The following TAOK3 variants were observed in gnomAD, a reference collection of about 807,000 sequenced individuals.
The protein encoded by TAOK3 is serine/threonine-protein kinase TAO3.
TAOK3 carries 40 observed loss-of-function variants against 120.4 expected under a neutral mutation model. The observed-to-expected ratio is 0.33, with a 90% CI of 0.26 to 0.43. TAOK3 has a LOEUF of 0.43. Among genes scored for constraint, TAOK3 ranks in the 20% least tolerant of loss-of-function variants. TAOK3 has a pLI of 1.00. For synonymous variants in TAOK3, 355 were observed against 387.5 expected, an observed-to-expected ratio of 0.92 and a Z score of 0.99; for missense variants, 821 against 1,112.1, an observed-to-expected ratio of 0.74 and a Z score of 3.72.
At chr12:118,293,444 T>TGAGGTGGGTGGATCAC (rs2042555969) in intron 1 of TAOK3, among the ~76,000 whole-genome samples, 1 of 146,234 alleles carries the variant, frequency 6.8e-6, no homozygotes, top group Admixed American at 6.8e-5. Flanking sequence ...TTTGGGAGGC[T>TGAGGTGGGTGGATCAC]GAGGTGGGTG....
chr12:118,240,715 C>T (rs2040214741), intron 5 of TAOK3, among the ~76,000 whole-genome samples: 5 of 152,080 alleles, frequency 3.3e-5, no homozygotes, highest in Admixed American at 2.6e-4. Flanking sequence ...CAGGGTTCAG[C>T]AACCAATCTC....
rs2035192314 is a variant in TAOK3 at position 118,161,128 on chromosome 12, T to C, written c.2139+660A>G. On this transcript the variant is annotated intron_variant, in intron 18 of 20. Transcript: ENST00000392533. The surrounding 1 kb of genome is among the most constrained non-coding windows in gnomAD (Gnocchi z 4.5). ...ATCATTGCTTAGCTTAGAATTTGACTGAAGAGACGCATAGCCAGTGTGATC... is the reference window on the plus strand; with the variant it reads ...ATCATTGCTTAGCTTAGAATTTGACCGAAGAGACGCATAGCCAGTGTGATC... 6.6e-6 allele frequency among the ~76,000 whole-genome samples: 1 copy of C among 152,222 alleles called. No homozygotes were observed. The highest frequency in any genetic ancestry group is 6.5e-5 in the Admixed American group (1 of 15,280).
chr12:118,203,857 C>T (rs1287157270), intron 11 of TAOK3, among the ~76,000 whole-genome samples: 1 of 152,158 alleles, frequency 6.6e-6, no homozygotes, highest in Non-Finnish European at 1.5e-5. Context: ...GACCTATCAA[C>T]CAAACAAATA....
chr12:118,242,071 G>A (rs2040276847), intron 5 of TAOK3, among the ~76,000 whole-genome samples: 1 of 145,586 alleles, frequency 6.9e-6, no homozygotes, highest in Admixed American at 7.0e-5. Context: ...TGGGCAACAA[G>A]AGCAAAACTC....
chr12:118,272,975 G>A (rs1460481948), intron 1 of TAOK3, among the ~76,000 whole-genome samples: 1 of 150,536 alleles, frequency 6.6e-6, no homozygotes, highest in Admixed American at 6.6e-5. Flanking sequence ...GAACTTGTCT[G>A]GAAAAAAAAA....
At chr12:118,270,002 T>C (rs2041632775) in intron 1 of TAOK3, among the ~76,000 whole-genome samples, 1 of 152,234 alleles carries the variant, frequency 6.6e-6, no homozygotes, top group Non-Finnish European at 1.5e-5. Context: ...TTCTCTCTGA[T>C]GCCTAAATGA....
chr12:118,259,867 C>CAAAGA (rs2041149529), intron 2 of TAOK3, among the ~76,000 whole-genome samples: 1 of 152,064 alleles, frequency 6.6e-6, no homozygotes, highest in Non-Finnish European at 1.5e-5. Context: ...CAAAGGGTTC[C>CAAAGA]CCTCAAGTCT....
At chr12:118,237,939 T>A in intron 7 of TAOK3, 134 bp downstream of exon 7, 1 of 568,130 alleles carries the variant, frequency 1.8e-6, no homozygotes, top group Non-Finnish European at 3.2e-6. Context: ...ATCCTTTATA[T>A]CCAGAAGCAG....
chr12:118,261,330 C>T lies in TAOK3; in HGVS notation c.-89+5325G>A, dbSNP rs151144541. Among the ~76,000 whole-genome samples, 949 of 152,168 alleles carry T rather than the reference C, an allele frequency of 6.2e-3. 15 individuals carry two copies. Among genetic ancestry groups the T allele is most frequent in the African/African-American group, 0.022 (912 of 41,500 alleles). Reference sequence around the variant, plus strand: ...TATAAACCCACAGATCCAAGAAGGTCCATGAACCTCAAGCACAAGAAATAC... The same window carrying T: ...TATAAACCCACAGATCCAAGAAGGTTCATGAACCTCAAGCACAAGAAATAC... On this transcript the variant is annotated intron_variant, in intron 2 of 20. Coordinates refer to ENST00000392533, the MANE Select transcript of TAOK3 (RefSeq NM_016281.4).
At chr12:118,289,936 G>A (rs2042410744) in intron 1 of TAOK3, among the ~76,000 whole-genome samples, 1 of 150,978 alleles carries the variant, frequency 6.6e-6, no homozygotes, top group South Asian at 2.1e-4. Context: ...GTAGGTTGCA[G>A]TGAGCCGAGA....
chr12:118,186,685 T>A (rs932731448), intron 14 of TAOK3, among the ~76,000 whole-genome samples: 2 of 152,188 alleles, frequency 1.3e-5, no homozygotes, highest in African/African-American at 4.8e-5. Context: ...TTCCTTTTCC[T>A]AATTCTTCAA....
At chr12:118,365,378 G>A (rs976964175) in intron 1 of TAOK3, among the ~76,000 whole-genome samples, 3 of 151,154 alleles carry the variant, frequency 2.0e-5, no homozygotes, top group South Asian at 2.1e-4. Context: ...GATTAGAGGC[G>A]TGCAAACACA....
At chr12:118,286,613 G>C (rs529071483) in intron 1 of TAOK3, among the ~76,000 whole-genome samples, 1 of 151,228 alleles carries the variant, frequency 6.6e-6, no homozygotes. Context: ...ACTTCTGCAC[G>C]GCTGGTGGGA....
At chr12:118,226,085 C>CA (rs2039489558) in intron 9 of TAOK3, among the ~76,000 whole-genome samples, 1 of 152,086 alleles carries the variant, frequency 6.6e-6, no homozygotes, top group African/African-American at 2.4e-5. Flanking sequence ...ACTAAAAATA[C>CA]AAAAATTAGG....
At chr12:118,248,582 C>T (rs1048680200) in intron 3 of TAOK3, among the ~76,000 whole-genome samples, 1 of 151,978 alleles carries the variant, frequency 6.6e-6, no homozygotes. Context: ...AGGAAATATT[C>T]AGGCAATGAG....
intron 1 of TAOK3, among the ~76,000 whole-genome samples, chr12:118,341,726 A>G (rs1163010157): frequency 6.6e-6 from 1 of 152,222 alleles, no homozygotes; most frequent in Non-Finnish European, 1.5e-5. Flanking sequence ...TGCTAAAAAA[A>G]CCCTTCTGTG....
chr12:118,286,154 C>T (rs1593413959), intron 1 of TAOK3, among the ~76,000 whole-genome samples: 1 of 152,202 alleles, frequency 6.6e-6, no homozygotes. Context: ...ATTTATTTTC[C>T]TTTCACACTC....
At chr12:118,181,729 G>C in intron 14 of TAOK3, 122 bp from the exon 15 acceptor site, 1 of 796,070 alleles carries the variant, frequency 1.3e-6, no homozygotes, top group Middle Eastern at 2.3e-4. Context: ...TTTACCTACT[G>C]TTTAGTGAAT....
intron 19 of TAOK3, among the ~76,000 whole-genome samples, chr12:118,158,648 A>G (rs2035003354): frequency 1.3e-5 from 2 of 152,154 alleles, no homozygotes; most frequent in South Asian, 2.1e-4. Flanking sequence ...TTTTTCCTGA[A>G]CTATTATAAT....
Sources: gnomAD v4.1 joint callset for allele counts (sites outside exome capture counted in the v4.1 genomes callset) on GRCh38, gnomAD v4.1.1 for gene constraint, Gnocchi (gnomAD v3.1) non-coding constraint, MANE v1.5 for transcripts, NCBI Gene and HGNC (gene_info 2026-07-23, HGNC 2026-07-21) for gene names.